The following MBNL3 variants were observed in gnomAD, a reference collection of about 807,000 sequenced individuals.
The protein encoded by MBNL3 is muscleblind-like protein 3.
A neutral mutation model predicts 24.5 loss-of-function variants in MBNL3; 6 were observed. The ratio of observed to expected loss-of-function variants is 0.25; its 90% CI spans 0.13 to 0.48. The LOEUF (loss-of-function observed/expected upper bound fraction) is 0.48, where lower values mean the gene tolerates loss of function less well. Among genes scored for constraint, MBNL3 ranks in the 20% least tolerant of loss-of-function variants. The pLI, the probability that MBNL3 is intolerant of heterozygous loss-of-function variation, is 0.99. For synonymous variants in MBNL3, 100 were observed against 101.7 expected (o/e 0.98, Z 0.10); for missense variants, 230 against 293.5 (o/e 0.78, Z 1.58).
intron 1 of MBNL3, among the ~76,000 whole-genome samples, chrX:132,441,755 A>G (rs978957148): frequency 8.9e-6 from 1 of 111,865 alleles, no homozygotes; most frequent in Non-Finnish European, 1.9e-5. Flanking sequence ...GTATATACCC[A>G]AAGTATCTGA....
intron 2 of MBNL3, among the ~76,000 whole-genome samples, chrX:132,421,934 T>TA (rs894413487): frequency 1.4e-4 from 15 of 110,784 alleles, no homozygotes; most frequent in East Asian, 5.6e-4. Flanking sequence ...CTTAAAATAT[T>TA]AAAAAAAAAT....
At chrX:132,394,807 C>T (rs1937742871) in intron 3 of MBNL3, among the ~76,000 whole-genome samples, 1 of 111,403 alleles carries the variant, frequency 9.0e-6, no homozygotes, top group South Asian at 3.7e-4. Flanking sequence ...GGAAATTCTC[C>T]TAGCTAAGTT....
At chrX:132,455,548 CAGAAG>C (rs1232832993) in intron 1 of MBNL3, among the ~76,000 whole-genome samples, 1 of 111,579 alleles carries the variant, frequency 9.0e-6, no homozygotes, top group African/African-American at 3.3e-5. Context: ...AACAGAGGCC[CAGAAG>C]GATTCATTTA....
chrX:132,446,522 T>G (rs1293389146), intron 1 of MBNL3, among the ~76,000 whole-genome samples: 1 of 112,535 alleles, frequency 8.9e-6, no homozygotes, highest in Non-Finnish European at 1.9e-5. Flanking sequence ...TGAGCTTTTT[T>G]TCATATGTTT....
At chrX:132,437,382 T>C (rs1275241912) in intron 2 of MBNL3, among the ~76,000 whole-genome samples, 1 of 112,007 alleles carries the variant, frequency 8.9e-6, no homozygotes, top group Non-Finnish European at 1.9e-5. Context: ...CCTAACTAAA[T>C]AGAACTTTGT....
chrX:132,419,490 A>G (rs1463500012), intron 2 of MBNL3, among the ~76,000 whole-genome samples: 1 of 112,171 alleles, frequency 8.9e-6, no homozygotes, highest in Non-Finnish European at 1.9e-5. Flanking sequence ...CCAAATGATG[A>G]GAAAAGATCA....
chrX:132,417,990 T>C (rs771053696), intron 2 of MBNL3, among the ~76,000 whole-genome samples: 20 of 111,881 alleles, frequency 1.8e-4, no homozygotes, highest in Non-Finnish European at 3.4e-4. Context: ...TATACTAGAC[T>C]CTTGCATATA....
chrX:132,414,844 T>C (rs1041127985), intron 2 of MBNL3, among the ~76,000 whole-genome samples: 8 of 111,273 alleles, frequency 7.2e-5, no homozygotes, highest in African/African-American at 2.6e-4. Flanking sequence ...AATAGAAAAA[T>C]AGAGTGAACT....
chrX:132,440,004 G>A lies in MBNL3; in HGVS notation c.-393C>T, dbSNP rs982857946. 1.5e-4 allele frequency among the ~76,000 whole-genome samples: 17 copies of A among 111,504 alleles called. No individual in the cohort carries two copies. The highest frequency in any genetic ancestry group is 5.5e-4 in the African/African-American group (17 of 30,743). Reference sequence around the variant, plus strand: ...GCTGCTGGCTGCCCTTCGATTTGTGGAATGGTCTCAGATCAGGGGGAGAAA... The same window carrying A: ...GCTGCTGGCTGCCCTTCGATTTGTGAAATGGTCTCAGATCAGGGGGAGAAA... On this transcript the variant is annotated 5_prime_UTR_variant, in exon 2 of 9. Coordinates refer to ENST00000370853, the MANE Select transcript of MBNL3 (RefSeq NM_001386889.1).
intron 2 of MBNL3, among the ~76,000 whole-genome samples, chrX:132,410,722 A>G (rs1227197111): frequency 8.9e-6 from 1 of 112,553 alleles, no homozygotes; most frequent in East Asian, 2.8e-4. Context: ...ACTTACATGC[A>G]CAGACATGGC....
chrX:132,383,224 T>C (rs1448880612), intron 7 of MBNL3, among the ~76,000 whole-genome samples: 1 of 112,271 alleles, frequency 8.9e-6, no homozygotes, highest in Non-Finnish European at 1.9e-5. Context: ...AGAAAATGAA[T>C]GGCCAGAGAA....
chrX:132,415,428 T>A (rs762985903), intron 2 of MBNL3, among the ~76,000 whole-genome samples: 1 of 112,266 alleles, frequency 8.9e-6, no homozygotes, highest in Non-Finnish European at 1.9e-5. Flanking sequence ...AATTTATCTT[T>A]GCAGGGCTCA....
At chrX:132,424,093 A>G (rs1411671591) in intron 2 of MBNL3, among the ~76,000 whole-genome samples, 2 of 111,641 alleles carry the variant, frequency 1.8e-5, no homozygotes, top group Non-Finnish European at 3.8e-5. Context: ...ATTCTAGACT[A>G]AGGTTAATTG....
intron 1 of MBNL3, among the ~76,000 whole-genome samples, chrX:132,455,983 G>A (rs1175713808): frequency 3.6e-5 from 4 of 111,631 alleles, no homozygotes; most frequent in African/African-American, 9.8e-5. Context: ...ACTACAAGTT[G>A]TCCAAACTTT....
Position 132,379,573 on chromosome X carries a change from T to G in MBNL3, c.*93A>C. 1.1e-6 allele frequency: 1 copy of G among 918,684 alleles called. No individual in the cohort carries two copies. The highest frequency in any genetic ancestry group is 1.5e-6 in the Non-Finnish European group (1 of 665,028). 75.7% of individuals were successfully genotyped at this position (918,684 alleles called of 1,213,427 possible). On this transcript the variant is annotated 3_prime_UTR_variant, in exon 9 of 9. Transcript: ENST00000370853. ...TACATTGACTGCAACACGCTTATTG[T>G]TGTGTTGGTAGAATAAGACATACGA...
chrX:132,436,576 A>G (rs1055146726), intron 2 of MBNL3, among the ~76,000 whole-genome samples: 5 of 112,417 alleles, frequency 4.4e-5, no homozygotes, highest in Non-Finnish European at 7.5e-5. Flanking sequence ...GAGAGAAGAA[A>G]TAGTACACAG....
At chrX:132,474,757 C>T (rs1231172502) in intron 1 of MBNL3, among the ~76,000 whole-genome samples, 2 of 111,634 alleles carry the variant, frequency 1.8e-5, no homozygotes, top group African/African-American at 6.5e-5. Flanking sequence ...ACCCTTCCTT[C>T]CCTTGATGCA....
intron 1 of MBNL3, among the ~76,000 whole-genome samples, chrX:132,450,173 GTGT>G (rs1946017202): frequency 9.0e-6 from 1 of 111,049 alleles, no homozygotes; most frequent in Non-Finnish European, 1.9e-5. Flanking sequence ...TATCTTTGTG[GTGT>G]TCTCTGTATT....
intron 2 of MBNL3, 110 bp downstream of exon 2, chrX:132,439,325 A>G: frequency 1.1e-6 from 1 of 918,507 alleles, no homozygotes; most frequent in Non-Finnish European, 1.4e-6. Flanking sequence ...AAAAAAACAA[A>G]ATTTATCACT....
Sources: allele counts gnomAD v4.1 joint callset (sites outside exome capture counted in the v4.1 genomes callset), GRCh38; gene constraint gnomAD v4.1.1; transcripts MANE v1.5; gene names NCBI Gene and HGNC (gene_info 2026-07-23, HGNC 2026-07-21).